Variants in HNRNPA1 observed in about 807,000 individuals in gnomAD.
HNRNPA1 encodes epididymis secretory sperm binding protein.
A neutral mutation model predicts 44.4 loss-of-function variants in HNRNPA1; 7 were observed. That is an observed-to-expected ratio of 0.16 (90% CI 0.09 to 0.30). HNRNPA1 has a LOEUF of 0.30. Ranked by LOEUF, HNRNPA1 falls within the 10% of genes least tolerant of loss-of-function variation. The pLI is 1.00. For synonymous variants in HNRNPA1, 169 were observed against 160.6 expected, an observed-to-expected ratio of 1.05 and a Z score of -0.40; for missense variants, 193 against 465.8, an observed-to-expected ratio of 0.41 and a Z score of 5.39.
rs576663156 is a variant in HNRNPA1, at chr12:54,284,045, T to C, written c.1063+78T>C. On this transcript the variant is annotated intron_variant, in intron 9 of 10. Transcript: ENST00000340913. ...GCTGGGAAGAAAGCCCTTTAACTGC[T>C]ATGTCTGGGCAGCAAAACGTTTATA... 9 of 1,510,960 alleles carry C rather than the reference T, an allele frequency of 6.0e-6. No individual in the cohort carries two copies. The East Asian group carries it at 1.4e-4, about 23-fold the overall frequency. 93.6% of individuals were successfully genotyped at this position (1,510,960 alleles called of 1,614,324 possible).
In HNRNPA1 at chr12:54,282,419, C is replaced by T. The variant is rs374948458; in HGVS notation, c.516C>T (p.Gly172=). The T allele has an allele frequency of 2.4e-5, 38 of 1,613,248 alleles. No individual in the cohort carries two copies. In the African/African-American group the frequency reaches 4.1e-4, roughly 18 times the overall value. ...IVIQKYHTVN[G]HNCEVRKALS... is the part of the protein sequence containing the mutation. ...TTCAGAAATACCATACTGTGAATGG[C>T]CACAACTGTGAAGTTAGAAAAGCCC... Residue 172 remains glycine, a synonymous_variant, in exon 5 of 11, where the codon GGC becomes GGT. Coordinates refer to ENST00000340913, the MANE Select transcript of HNRNPA1 (RefSeq NM_031157.4).
At chr12:54,280,917 C>T in intron 1 of HNRNPA1, 95 bp downstream of exon 1, 4 of 1,369,976 alleles carry the variant, frequency 2.9e-6, no homozygotes, top group East Asian at 2.3e-5. Flanking sequence ...CCAGCCCATT[C>T]TACAGTTCCT....
chr12:54,283,973 G>A lies in HNRNPA1; in HGVS notation c.1063+6G>A, dbSNP rs543402803. The A allele has an allele frequency of 2.5e-6, 4 of 1,604,436 alleles. No individual in the cohort carries two copies. Among genetic ancestry groups the A allele is most frequent in the African/African-American group, 2.7e-5 (2 of 75,000 alleles). The stretch of plus-strand genomic sequence containing the variant: ...TGCAAAACCACGAAACCAAGGTATG[G>A]TATCTATGTAATTTTGGATAATGTC... On this transcript the variant is annotated splice_donor_region_variant and intron_variant, in intron 9 of 10. Coordinates refer to ENST00000340913, the MANE Select transcript of HNRNPA1 (RefSeq NM_031157.4).
At position 54,286,918 on chromosome 12, in the gene HNRNPA1, T is replaced by C. The variant is rs1944271733; in HGVS notation, c.*2374T>C. 6.6e-6 allele frequency: 1 copy of C among 152,258 alleles called. No individual in the cohort carries two copies. The highest frequency in any genetic ancestry group is 6.5e-5 in the Admixed American group (1 of 15,286). The allele number at this position is 152,258 out of a possible 1,614,324, so 9.4% of individuals were successfully genotyped here. A position where few individuals can be genotyped will look rare whatever the true frequency, so the allele number is the denominator to read the frequency against. ...CTGTGTAGTCATTCACCTCTGCTTA[T>C]ATGAATACTTTACAACCTCTTTTGC... is the stretch of plus-strand genomic sequence containing the variant. On this transcript the variant is annotated 3_prime_UTR_variant, in exon 11 of 11. Coordinates refer to ENST00000340913, the MANE Select transcript of HNRNPA1 (RefSeq NM_031157.4).
At chr12:54,282,536 GT>G in intron 5 of HNRNPA1, 36 bp from the exon 6 acceptor site, 1 of 1,609,454 alleles carries the variant, frequency 6.2e-7, no homozygotes, top group Non-Finnish European at 8.5e-7. Flanking sequence ...AGTTACTCCA[GT>G]ATGAATGATT....
At chr12:54,281,618 G>A in intron 2 of HNRNPA1, 116 bp downstream of exon 2, 1 of 1,013,250 alleles carries the variant, frequency 9.9e-7, no homozygotes, top group Non-Finnish European at 1.5e-6. Context: ...GAGCTTTGTT[G>A]GCAAAGGAAC....
chr12:54,281,578 T>G (rs1236660496), intron 2 of HNRNPA1, 76 bp downstream of exon 2: 1 of 1,111,264 alleles, frequency 9.0e-7, no homozygotes, highest in Non-Finnish European at 1.4e-6. Flanking sequence ...CTCCGAATGC[T>G]TATGAAAGTA....
At chr12:54,284,154 C>T in intron 9 of HNRNPA1, 104 bp from the exon 10 acceptor site, 1 of 1,321,992 alleles carries the variant, frequency 7.6e-7, no homozygotes. Context: ...GTAGTAGGGC[C>T]ATTTTTAAAT....
Position 54,283,449 on chromosome 12 carries a change from A to G in HNRNPA1, c.907+215A>G, listed in dbSNP as rs1050417553. Among the ~76,000 whole-genome samples the G allele has an allele frequency of 9.2e-5, 14 of 152,266 alleles. No homozygotes were observed. In the Middle Eastern group the frequency reaches 0.017, roughly 185 times the overall value. On this transcript the variant is annotated intron_variant, in intron 8 of 10. Coordinates refer to ENST00000340913, the MANE Select transcript of HNRNPA1 (RefSeq NM_031157.4). ...AGTGTTGTCTTTGAGTTAGATTAGT[A>G]TCATAGAAGGATTTAGTATTTTAAC...
At chr12:54,283,753 G>T in intron 8 of HNRNPA1, 59 bp from the exon 9 acceptor site, 1 of 1,530,256 alleles carries the variant, frequency 6.5e-7, no homozygotes, top group South Asian at 1.1e-5. Flanking sequence ...CTGCTAAACA[G>T]AATTGGAAAC....
Position 54,284,280 on chromosome 12 carries a change from C to T in HNRNPA1, c.1086C>T (p.Ser362=). Residue 362 remains serine (S), a synonymous_variant, in exon 10 of 11, where the codon AGC becomes AGT. Transcript: ENST00000340913. ...RNQGGYGGSS[S]SSSYGSGRRF ...CAGGTGGCTATGGCGGTTCCAGCAG[C>T]AGCAGTAGCTATGGCAGTGGCAGAA... The T allele has an allele frequency of 6.2e-7, 1 of 1,614,068 alleles. No individual in the cohort carries two copies. Among genetic ancestry groups the T allele is most frequent in the Non-Finnish European group, 8.5e-7 (1 of 1,179,982 alleles).
rs570159545 is a variant in HNRNPA1 at position 54,286,500 on chromosome 12, A to G, written c.*1956A>G. ...TGTGAATATAAATTTTTGCCCTTTT[A>G]TTTATCTTCCTTTGACCCATTTCCT... On this transcript the variant is annotated 3_prime_UTR_variant, in exon 11 of 11. Transcript: ENST00000340913. 1 of 152,112 alleles carries G rather than the reference A, an allele frequency of 6.6e-6. No individual in the cohort carries two copies. Among genetic ancestry groups the G allele is most frequent in the African/African-American group, 2.4e-5 (1 of 41,486 alleles). 9.4% of individuals were successfully genotyped at this position (152,112 alleles called of 1,614,324 possible).
intron 9 of HNRNPA1, 86 bp from the exon 10 acceptor site, chr12:54,284,172 C>A: frequency 6.9e-7 from 1 of 1,443,356 alleles, no homozygotes; most frequent in South Asian, 1.2e-5. Flanking sequence ...AATGGCCAGA[C>A]ACTTGAATTT....
chr12:54,282,029 C>A, intron 3 of HNRNPA1, 61 bp from the exon 4 acceptor site: 3 of 1,597,300 alleles, frequency 1.9e-6, no homozygotes, highest in Non-Finnish European at 2.6e-6. Flanking sequence ...CTAAACTTAC[C>A]AAAATTTTTT....
rs1242363528 is a variant in HNRNPA1 at position 54,284,832 on chromosome 12, G to A, written c.*288G>A. 3.0e-6 allele frequency: 1 copy of A among 338,960 alleles called. No individual in the cohort carries two copies. Among genetic ancestry groups the A allele is most frequent in the Admixed American group, 4.1e-5 (1 of 24,454 alleles). The allele number at this position is 338,960 out of a possible 1,614,324, so 21.0% of individuals were successfully genotyped here. On this transcript the variant is annotated 3_prime_UTR_variant, in exon 11 of 11. Transcript: ENST00000340913. ...TTTTTTGCACCCCATGCTGTTGATT[G>A]CTAAATGTAACAGTCTGATCGTGAC...
Position 54,284,685 on chromosome 12 carries a change from T to G in HNRNPA1, c.*141T>G, listed in dbSNP as rs1452773874. On this transcript the variant is annotated 3_prime_UTR_variant, in exon 11 of 11. Transcript: ENST00000340913. ...AAGAAGACATGTTTTAGACAAATACTCATGTGTATGGGCAAAAAACTCGAG... is the reference window on the plus strand; with the variant it reads ...AAGAAGACATGTTTTAGACAAATACGCATGTGTATGGGCAAAAAACTCGAG... 4.0e-6 allele frequency: 2 copies of G among 504,798 alleles called. No homozygotes were observed. The highest frequency in any genetic ancestry group is 4.6e-5 in the Admixed American group (2 of 43,106). 31.3% of individuals were successfully genotyped at this position (504,798 alleles called of 1,614,324 possible).
In HNRNPA1 at chr12:54,286,315, T is replaced by C. The variant is rs552561618; in HGVS notation, c.*1771T>C. ...AGAACAGATTTTACTTACATCCATA[T>C]AGTTACTTAAAGTCCAGTTTTCTGT... On this transcript the variant is annotated 3_prime_UTR_variant, in exon 11 of 11. Transcript: ENST00000340913. 6 of 152,214 alleles carry C rather than the reference T, an allele frequency of 3.9e-5. No individual in the cohort carries two copies. Among genetic ancestry groups the C allele is most frequent in the Non-Finnish European group, 7.3e-5 (5 of 68,038 alleles). 9.4% of individuals were successfully genotyped at this position (152,214 alleles called of 1,614,324 possible). A position where few individuals can be genotyped will look rare whatever the true frequency, so the allele number is the denominator to read the frequency against.
intron 1 of HNRNPA1, 121 bp downstream of exon 1, chr12:54,280,943 G>GCCTA (rs2137039631): frequency 9.2e-7 from 1 of 1,082,250 alleles, no homozygotes; most frequent in Non-Finnish European, 1.4e-6. Context: ...CGCTGCCACG[G>GCCTA]CCTACCCCTC....
intron 7 of HNRNPA1, 34 bp downstream of exon 7, chr12:54,282,908 C>T (rs973494517): frequency 2.4e-5 from 36 of 1,528,176 alleles, no homozygotes; most frequent in African/African-American, 4.2e-5. Flanking sequence ...AGAAAAATTC[C>T]TGGCAACCTG....
Sources: allele counts gnomAD v4.1 joint callset (sites outside exome capture counted in the v4.1 genomes callset), GRCh38; gene constraint gnomAD v4.1.1; transcripts MANE v1.5; gene names NCBI Gene and HGNC (gene_info 2026-07-23, HGNC 2026-07-21).